Variants in CAST observed in about 807,000 individuals in gnomAD.
CAST encodes the protein calpastatin, also known as MIR583 host.
Under a neutral mutation model 119.6 loss-of-function variants are expected in CAST, and 76 were observed. The observed-to-expected ratio is 0.64, with a 90% CI of 0.53 to 0.77. CAST has a LOEUF of 0.77. Ranked by LOEUF, CAST falls within the 30% of genes least tolerant of loss-of-function variation. The pLI is 0.00. For synonymous variants in CAST, 319 were observed against 331.6 expected (o/e 0.96, Z 0.41); for missense variants, 953 against 946.5 (o/e 1.01, Z -0.09).
the CAST span, among the ~76,000 whole-genome samples, chr5:96,440,188 T>C: frequency 6.6e-6 from 1 of 151,746 alleles, no homozygotes; most frequent in African/African-American, 2.4e-5. Context: ...TTTTTTTTTT[T>C]TCTTATAATG....
chr5:96,027,084 T>G, the CAST span, among the ~76,000 whole-genome samples: 1 of 152,090 alleles, frequency 6.6e-6, no homozygotes, highest in South Asian at 2.1e-4. Context: ...CTGGGTGTGG[T>G]GGCACATGCC....
the CAST span, among the ~76,000 whole-genome samples, chr5:96,342,850 T>C: frequency 6.6e-6 from 1 of 152,174 alleles, no homozygotes; most frequent in Admixed American, 6.5e-5. Context: ...TACTTGTTCA[T>C]AGTATCATTG....
At chr5:96,517,325 C>T in the CAST span, among the ~76,000 whole-genome samples, 1 of 152,076 alleles carries the variant, frequency 6.6e-6, no homozygotes, top group East Asian at 1.9e-4. Context: ...CATCTCTTTC[C>T]TTTTTATGCT....
chr5:96,254,813 TA>T, the CAST span, among the ~76,000 whole-genome samples: 1 of 152,140 alleles, frequency 6.6e-6, no homozygotes, highest in Admixed American at 6.6e-5. Flanking sequence ...TTGAGGGTTT[TA>T]AAAAAATTTC....
At chr5:95,978,161 T>C in the CAST span, among the ~76,000 whole-genome samples, 11,743 of 152,176 alleles carry the variant, frequency 0.077, 993 homozygotes, top group African/African-American at 0.21. Context: ...TGGGTATATG[T>C]TCAGTAATGG....
intron 1 of CAST, among the ~76,000 whole-genome samples, chr5:96,534,232 G>A (rs1429560847): frequency 2.6e-5 from 4 of 152,078 alleles, no homozygotes; most frequent in Non-Finnish European, 5.9e-5. Flanking sequence ...AATAACCAAT[G>A]CATGATGTCA....
chr5:96,195,598 T>C, the CAST span, among the ~76,000 whole-genome samples: 1 of 152,218 alleles, frequency 6.6e-6, no homozygotes, highest in African/African-American at 2.4e-5. Flanking sequence ...TATTGGTTAC[T>C]TACAAGTTAT....
the CAST span, among the ~76,000 whole-genome samples, chr5:96,147,114 G>C: frequency 6.6e-6 from 1 of 152,134 alleles, no homozygotes; most frequent in Non-Finnish European, 1.5e-5. Flanking sequence ...GAAGTGGAAA[G>C]AGTTTCATGA....
chr5:95,988,522 G>A, the CAST span, among the ~76,000 whole-genome samples: 1,256 of 152,250 alleles, frequency 8.2e-3, 14 homozygotes, highest in African/African-American at 0.029. Flanking sequence ...TTTATTATCT[G>A]TAATATTTAT....
At chr5:96,061,514 C>T in the CAST span, among the ~76,000 whole-genome samples, 1 of 152,064 alleles carries the variant, frequency 6.6e-6, no homozygotes, top group South Asian at 2.1e-4. Context: ...AAGGCCTGAA[C>T]TTGACTCACA....
At chr5:96,588,766 T>C (rs750022876) in intron 1 of CAST, among the ~76,000 whole-genome samples, 3 of 152,192 alleles carry the variant, frequency 2.0e-5, no homozygotes, top group Non-Finnish European at 4.4e-5. Flanking sequence ...TACTCATCCA[T>C]AGTCATTCAC....
At chr5:96,663,892 C>A (rs545073410) in intron 1 of CAST, among the ~76,000 whole-genome samples, 2 of 148,020 alleles carry the variant, frequency 1.4e-5, no homozygotes, top group Non-Finnish European at 1.5e-5. Flanking sequence ...GCTGGCACTT[C>A]TAGTGTTTTG....
chr5:96,182,865 A>G, the CAST span, among the ~76,000 whole-genome samples: 4 of 152,116 alleles, frequency 2.6e-5, no homozygotes, highest in Non-Finnish European at 4.4e-5. Flanking sequence ...CTGGCCGGGC[A>G]TGGTGGCTTA....
the CAST span, among the ~76,000 whole-genome samples, chr5:96,452,650 A>T: frequency 1.0e-5 from 1 of 96,390 alleles, no homozygotes; most frequent in Non-Finnish European, 2.5e-5. Flanking sequence ...TAAAAAAAAA[A>T]AAAAAAAAAA....
At chr5:96,370,305 G>A in the CAST span, among the ~76,000 whole-genome samples, 1 of 151,972 alleles carries the variant, frequency 6.6e-6, no homozygotes, top group Non-Finnish European at 1.5e-5. Flanking sequence ...GAGATTCTGG[G>A]GATGAAACAG....
At chr5:96,393,419 T>C in the CAST span, 4 of 1,611,522 alleles carry the variant, frequency 2.5e-6, no homozygotes, top group African/African-American at 4.0e-5. Context: ...AGAAGGTTCA[T>C]TATTTATGGC....
chr5:96,738,482 T>C (rs886175523), intron 11 of CAST, among the ~76,000 whole-genome samples: 7 of 152,312 alleles, frequency 4.6e-5, no homozygotes, highest in East Asian at 1.9e-4. Flanking sequence ...TGTGCTAAGA[T>C]TGACACTGGG....
the CAST span, among the ~76,000 whole-genome samples, chr5:96,351,267 A>C: frequency 6.6e-6 from 1 of 152,130 alleles, no homozygotes; most frequent in Non-Finnish European, 1.5e-5. Flanking sequence ...TGTAAGAAAA[A>C]TTTGTATTTA....
At chr5:96,114,920 G>A in the CAST span, among the ~76,000 whole-genome samples, 1 of 152,114 alleles carries the variant, frequency 6.6e-6, no homozygotes, top group Non-Finnish European at 1.5e-5. Context: ...TGTACTAGTG[G>A]TGTGACCTCA....
Sources: gnomAD v4.1 joint callset for allele counts (sites outside exome capture counted in the v4.1 genomes callset) on GRCh38, gnomAD v4.1.1 for gene constraint, MANE v1.5 for transcripts, NCBI Gene and HGNC (gene_info 2026-07-23, HGNC 2026-07-21) for gene names.